The following SIDT1 variants were observed in gnomAD, a reference collection of about 807,000 sequenced individuals.
SIDT1 encodes SID1 transmembrane family, member 1.
A neutral mutation model predicts 107.5 loss-of-function variants in SIDT1; 101 were observed. The observed-to-expected ratio is 0.94, with a 90% confidence interval of 0.80 to 1.11. SIDT1 has a LOEUF of 1.11. SIDT1 is among the 50% of genes least tolerant of loss of function. The pLI is 0.00. For missense variants in SIDT1, 1,076 were observed against 1,058.2 expected, an observed-to-expected ratio of 1.02 and a Z score of -0.23; for synonymous variants, 395 against 398.2, an observed-to-expected ratio of 0.99 and a Z score of 0.10.
rs553704465 is a variant in SIDT1, at chr3:113,601,312, C to T, written c.1046-276C>T. 12 of 282,960 alleles carry T rather than the reference C, an allele frequency of 4.2e-5. No homozygotes were observed. In the South Asian group the frequency reaches 1.3e-3, roughly 32 times the overall value. The allele number at this position is 282,960 out of a possible 1,614,324, so 17.5% of individuals were successfully genotyped here. On this transcript the variant is annotated intron_variant, in intron 10 of 24. Transcript: ENST00000264852. Reference sequence around the variant, plus strand: ...TACATAAATACTGAAATTTGAATTTCGTATCATTTTTACCTGTCATGAAAC... The same window carrying T: ...TACATAAATACTGAAATTTGAATTTTGTATCATTTTTACCTGTCATGAAAC...
intron 1 of SIDT1, among the ~76,000 whole-genome samples, chr3:113,561,703 T>G (rs150429154): frequency 1.2e-3 from 177 of 152,284 alleles, no homozygotes; most frequent in African/African-American, 4.1e-3. Flanking sequence ...TGCTAAAAAT[T>G]TATATTTTTA....
the SIDT1 span, among the ~76,000 whole-genome samples, chr3:113,636,597 G>GT: frequency 9.9e-5 from 15 of 152,082 alleles, no homozygotes; most frequent in Non-Finnish European, 1.8e-4. Flanking sequence ...ATTAAGCAGT[G>GT]TAAGAAAACA....
At position 113,628,083 on chromosome 3, in the gene SIDT1, T is replaced by A. The variant is rs1284800029; in HGVS notation, c.*375T>A. On this transcript the variant is annotated 3_prime_UTR_variant, in exon 25 of 25. Transcript: ENST00000264852. The stretch of plus-strand genomic sequence containing the variant: ...GCTGCTGCACACTTCCCTCCAGTTG[T>A]CACCCTGCCCAGAAAGGCCAGCAGC... 9.8e-6 allele frequency: 2 copies of A among 205,048 alleles called. No individual in the cohort carries two copies. The highest frequency in any genetic ancestry group is 2.0e-5 in the Non-Finnish European group (2 of 100,910). The allele number at this position is 205,048 out of a possible 1,614,324, so 12.7% of individuals were successfully genotyped here. A position where few individuals can be genotyped will look rare whatever the true frequency, so the allele number is the denominator to read the frequency against.
intron 3 of SIDT1, among the ~76,000 whole-genome samples, chr3:113,572,591 G>A (rs961414794): frequency 6.6e-6 from 1 of 152,182 alleles, no homozygotes; most frequent in Non-Finnish European, 1.5e-5. Context: ...GATGAAAGAT[G>A]AGGGACAAAC....
Position 113,532,651 on chromosome 3 carries a change from ATTATTGCTG to A in SIDT1, c.-364_-356del, listed in dbSNP as rs577677794. On this transcript the variant is annotated 5_prime_UTR_variant, in exon 1 of 25. An upstream open reading frame in the 5' UTR gains an earlier in-frame stop. Coordinates refer to ENST00000264852, the MANE Select transcript of SIDT1 (RefSeq NM_017699.3). ...TTTTTAATGACTCCAATGCCTTTTT[ATTATTGCTG>A]TTATTGAGGTTGAGGGAGAAGAGAT... 1.8e-4 allele frequency: 37 copies of A among 208,796 alleles called. 1 individual carries two copies. In the South Asian group the frequency reaches 6.7e-3, roughly 38 times the overall value. The allele number at this position is 208,796 out of a possible 1,614,324, so 12.9% of individuals were successfully genotyped here.
At chr3:113,619,836 G>T (rs978255373) in intron 21 of SIDT1, 110 bp downstream of exon 21, 128 of 998,156 alleles carry the variant, frequency 1.3e-4, no homozygotes, top group Non-Finnish European at 1.8e-4. Context: ...TAAGGAGAAG[G>T]TAGGACTGCT....
Position 113,533,169 on chromosome 3 carries a change from C to T in SIDT1, c.148C>T (p.His50Tyr). The T allele has an allele frequency of 6.3e-7, 1 of 1,579,880 alleles. No homozygotes were observed. Among genetic ancestry groups the T allele is most frequent in the Non-Finnish European group, 8.6e-7 (1 of 1,164,314 alleles). The part of the protein sequence containing the change: ...FDAARGADFD[H>Y]VYSGVVNLST... ...CGCTGCCAGGGGCGCCGATTTCGAT[C>T]ATGTCTACAGCGGGGTGGTGAACCT... Residue 50 changes from histidine to tyrosine, a missense_variant, in exon 1 of 25, where the codon CAT becomes TAT. His to Tyr is a moderately conservative substitution (Grantham distance 83). Transcript: ENST00000264852.
At chr3:113,564,760 G>T (rs1471447212) in intron 1 of SIDT1, among the ~76,000 whole-genome samples, 2 of 152,186 alleles carry the variant, frequency 1.3e-5, no homozygotes, top group Non-Finnish European at 2.9e-5. Flanking sequence ...TGAGTGTGAG[G>T]TGCCTGTGGA....
intron 10 of SIDT1, among the ~76,000 whole-genome samples, chr3:113,600,052 G>A (rs541211199): frequency 6.6e-6 from 1 of 152,128 alleles, no homozygotes; most frequent in Non-Finnish European, 1.5e-5. Context: ...GCTCACGCCT[G>A]TAATCCCAGC....
At position 113,606,838 on chromosome 3, in the gene SIDT1, A is replaced by C. The variant is rs534066778; in HGVS notation, c.1405-203A>C. On this transcript the variant is annotated intron_variant, in intron 14 of 24. Coordinates refer to ENST00000264852, the MANE Select transcript of SIDT1 (RefSeq NM_017699.3). ...GGGTACACAGAATATTCCCATTCAA[A>C]GCAAGATGGTAACTTTTTTGTAAAA... The C allele has an allele frequency of 6.1e-6, 3 of 493,840 alleles. No individual in the cohort carries two copies. The Admixed American group carries it at 1.0e-4, about 16-fold the overall frequency. The allele number at this position is 493,840 out of a possible 1,614,324, so 30.6% of individuals were successfully genotyped here. A position where few individuals can be genotyped will look rare whatever the true frequency, so the allele number is the denominator to read the frequency against.
At chr3:113,613,759 C>T (rs1432246916) in intron 19 of SIDT1, among the ~76,000 whole-genome samples, 1 of 152,208 alleles carries the variant, frequency 6.6e-6, no homozygotes, top group Non-Finnish European at 1.5e-5. Context: ...CAGATATATG[C>T]AATGGTAGTA....
chr3:113,576,301 T>C (rs759835857), intron 3 of SIDT1, among the ~76,000 whole-genome samples: 7 of 152,136 alleles, frequency 4.6e-5, no homozygotes, highest in African/African-American at 7.2e-5. Flanking sequence ...GTATTTATGT[T>C]TTAAAGGAGG....
chr3:113,598,502 A>G (rs1253256727), intron 10 of SIDT1, among the ~76,000 whole-genome samples: 1 of 152,214 alleles, frequency 6.6e-6, no homozygotes, highest in East Asian at 1.9e-4. Context: ...AAAATGCACT[A>G]TGTGCACGTA....
intron 3 of SIDT1, 172 bp downstream of exon 3, chr3:113,567,882 T>C (rs1942067738): frequency 3.3e-6 from 2 of 606,504 alleles, no homozygotes; most frequent in East Asian, 3.0e-5. Flanking sequence ...CCTTAATCTA[T>C]ACAAAAGAGT....
chr3:113,622,522 T>C (rs1314286235), intron 21 of SIDT1, among the ~76,000 whole-genome samples: 2 of 146,332 alleles, frequency 1.4e-5, no homozygotes, highest in Non-Finnish European at 3.0e-5. Context: ...GAAAGAATTA[T>C]GTAATAAAGG....
chr3:113,572,737 T>C (rs181975855), intron 3 of SIDT1, among the ~76,000 whole-genome samples: 15 of 152,278 alleles, frequency 9.9e-5, no homozygotes, highest in Admixed American at 9.2e-4. Flanking sequence ...TCAGCAAATA[T>C]ATGTGGCAGA....
At chr3:113,620,343 T>A (rs1946384338) in intron 21 of SIDT1, among the ~76,000 whole-genome samples, 3 of 152,094 alleles carry the variant, frequency 2.0e-5, no homozygotes. Flanking sequence ...GTACAACAGA[T>A]GTGTATTTTT....
At chr3:113,608,593 C>A in intron 17 of SIDT1, 57 bp downstream of exon 17, 1 of 1,303,484 alleles carries the variant, frequency 7.7e-7, no homozygotes, top group South Asian at 1.2e-5. Context: ...ATCCTGGAAC[C>A]CTCCCCAAAA....
chr3:113,603,656 T>A (rs1485423847), intron 12 of SIDT1, among the ~76,000 whole-genome samples: 4 of 152,170 alleles, frequency 2.6e-5, no homozygotes, highest in Non-Finnish European at 4.4e-5. Context: ...ATTCTTGACA[T>A]GTAAGAAGCA....
Sources: allele counts gnomAD v4.1 joint callset (sites outside exome capture counted in the v4.1 genomes callset), GRCh38; gene constraint gnomAD v4.1.1; transcripts MANE v1.5; gene names NCBI Gene and HGNC (gene_info 2026-07-23, HGNC 2026-07-21).